Variants in LRRTM4 observed in about 807,000 individuals in gnomAD.
LRRTM4 encodes the protein leucine rich repeat transmembrane neuronal 4.
Under a neutral mutation model 47.6 loss-of-function variants are expected in LRRTM4, and 25 were observed. The observed-to-expected ratio is 0.53, with a 90% CI of 0.38 to 0.73. The LOEUF (loss-of-function observed/expected upper bound fraction) is 0.73. LRRTM4 is among the 30% of genes least tolerant of loss of function. The probability of loss-of-function intolerance (pLI) is 0.00; values close to 1 mark genes in which losing one functional copy is unlikely to be tolerated. For synonymous variants in LRRTM4, 311 were observed against 269.5 expected, an observed-to-expected ratio of 1.15 and a Z score of -1.51; for missense variants, 638 against 713.4, an observed-to-expected ratio of 0.89 and a Z score of 1.20.
At chr2:77,118,909 C>A (rs1671456962) in intron 3 of LRRTM4, among the ~76,000 whole-genome samples, 1 of 151,746 alleles carries the variant, frequency 6.6e-6, no homozygotes, top group Non-Finnish European at 1.5e-5. Flanking sequence ...TGAAAGGGAG[C>A]AATTAATAAT....
At chr2:77,133,158 T>C (rs1671847825) in intron 3 of LRRTM4, among the ~76,000 whole-genome samples, 1 of 152,168 alleles carries the variant, frequency 6.6e-6, no homozygotes, top group Non-Finnish European at 1.5e-5. Context: ...ATTATGCCTT[T>C]GTTGAGTTTT....
intron 3 of LRRTM4, among the ~76,000 whole-genome samples, chr2:76,830,517 T>TGC (rs1643752471): frequency 1.7e-5 from 2 of 115,564 alleles, no homozygotes; most frequent in South Asian, 5.2e-4. Context: ...AGTGTGTGCG[T>TGC]GTGTGTGTGT....
intron 3 of LRRTM4, among the ~76,000 whole-genome samples, chr2:77,254,579 A>G (rs2104022340): frequency 6.6e-6 from 1 of 151,980 alleles, no homozygotes; most frequent in East Asian, 1.9e-4. Flanking sequence ...TTTTGATGGT[A>G]GAAGTAAAAA....
intron 3 of LRRTM4, among the ~76,000 whole-genome samples, chr2:77,404,086 G>A (rs1674072626): frequency 6.6e-6 from 1 of 151,776 alleles, no homozygotes; most frequent in Non-Finnish European, 1.5e-5. Context: ...GTCTTGCCTG[G>A]ATAAATATGA....
At chr2:76,932,839 A>G (rs1464351312) in intron 3 of LRRTM4, among the ~76,000 whole-genome samples, 2 of 151,570 alleles carry the variant, frequency 1.3e-5, no homozygotes, top group South Asian at 4.2e-4. Flanking sequence ...TTTTTTTGGT[A>G]TTTAATTTTT....
At chr2:77,483,759 G>A (rs1198324455) in intron 3 of LRRTM4, among the ~76,000 whole-genome samples, 1 of 152,002 alleles carries the variant, frequency 6.6e-6, no homozygotes, top group Non-Finnish European at 1.5e-5. Context: ...AAAATGTTGG[G>A]GGATTGGTAT....
rs1404754213 is a variant in LRRTM4, at chr2:76,799,665, C to T, written c.1552-50749G>A. On this transcript the variant is annotated intron_variant, in intron 3 of 3. Coordinates refer to ENST00000409884, the MANE Select transcript of LRRTM4 (RefSeq NM_001134745.3). ...TAGGAAAAGAGGAAGTCAAATTGTC[C>T]CTGTTTGCGGATGACATGATTGTAT... 3.8e-5 allele frequency among the ~76,000 whole-genome samples: 5 copies of T among 131,168 alleles called. No homozygotes were observed. The South Asian group carries it at 1.1e-3, about 28-fold the overall frequency. 86.1% of individuals were successfully genotyped at this position (131,168 alleles called of 152,430 possible).
chr2:77,253,412 C>T (rs557870526), intron 3 of LRRTM4, among the ~76,000 whole-genome samples: 5 of 152,174 alleles, frequency 3.3e-5, no homozygotes, highest in South Asian at 2.1e-4. Flanking sequence ...GGGCTTCAAC[C>T]TAGCACGAAT....
intron 3 of LRRTM4, among the ~76,000 whole-genome samples, chr2:77,050,480 C>A (rs1679393873): frequency 6.6e-6 from 1 of 152,136 alleles, no homozygotes; most frequent in Admixed American, 6.6e-5. Flanking sequence ...TCTATGGAAT[C>A]TAACTTTAAA....
intron 3 of LRRTM4, among the ~76,000 whole-genome samples, chr2:77,352,202 A>G (rs1390986629): frequency 6.6e-6 from 1 of 152,134 alleles, no homozygotes; most frequent in Non-Finnish European, 1.5e-5. Context: ...ATTTTATTGA[A>G]TAAGAGTTTA....
chr2:77,012,582 A>T (rs1677914867), intron 3 of LRRTM4, among the ~76,000 whole-genome samples: 1 of 152,186 alleles, frequency 6.6e-6, no homozygotes, highest in Non-Finnish European at 1.5e-5. Flanking sequence ...TAAAGTTCTA[A>T]TGTTACTTGT....
chr2:77,432,019 A>G (rs1458306720), intron 3 of LRRTM4, among the ~76,000 whole-genome samples: 3 of 152,318 alleles, frequency 2.0e-5, no homozygotes, highest in Non-Finnish European at 2.9e-5. Flanking sequence ...GGTTGCAGTG[A>G]GCCTAGATGG....
chr2:77,032,109 G>C (rs532054151), intron 3 of LRRTM4, among the ~76,000 whole-genome samples: 1 of 152,216 alleles, frequency 6.6e-6, no homozygotes, highest in Non-Finnish European at 1.5e-5. Flanking sequence ...CTCCTAATCA[G>C]CCTCTCTACT....
Position 76,787,639 on chromosome 2 carries a change from A to G in LRRTM4, c.1552-38723T>C, listed in dbSNP as rs1674747221. The stretch of plus-strand genomic sequence containing the variant: ...TTTTCTATTTTGTGAGGATTATTAT[A>G]GGGAAAACTTTGTGGTTCAGTGGGG... On this transcript the variant is annotated intron_variant, in intron 3 of 3. Coordinates refer to ENST00000409884, the MANE Select transcript of LRRTM4 (RefSeq NM_001134745.3). 3.3e-5 allele frequency among the ~76,000 whole-genome samples: 5 copies of G among 152,026 alleles called. No homozygotes were observed. In the South Asian group the frequency reaches 1.0e-3, roughly 32 times the overall value.
At chr2:76,764,401 G>A (rs1026077051) in intron 3 of LRRTM4, among the ~76,000 whole-genome samples, 3 of 152,190 alleles carry the variant, frequency 2.0e-5, no homozygotes, top group Admixed American at 6.5e-5. Flanking sequence ...GAAGGCCAAG[G>A]CGGGCAGATC....
intron 3 of LRRTM4, among the ~76,000 whole-genome samples, chr2:76,816,678 T>C (rs1670905547): frequency 6.6e-6 from 1 of 151,900 alleles, no homozygotes; most frequent in Admixed American, 6.6e-5. Flanking sequence ...ATAACCTGGA[T>C]CAACCTTACT....
rs138980493 is a variant in LRRTM4 at position 77,405,479 on chromosome 2, A to G, written c.1551+112839T>C. ...CCTCTCAGACTTTGAAAGTTAGCAT[A>G]AAACAAGGAGAAGCTTCTTTCTTTT... On this transcript the variant is annotated intron_variant, in intron 3 of 3. Transcript: ENST00000409884. 3.3e-3 allele frequency among the ~76,000 whole-genome samples: 497 copies of G among 152,236 alleles called. 2 individuals are homozygous for G. The highest frequency in any genetic ancestry group is 0.011 in the African/African-American group (474 of 41,564).
At chr2:77,049,147 T>C (rs1266467773) in intron 3 of LRRTM4, among the ~76,000 whole-genome samples, 1 of 134,900 alleles carries the variant, frequency 7.4e-6, no homozygotes, top group African/African-American at 3.1e-5. Context: ...TATATATATA[T>C]ATATATATAT....
At chr2:77,073,640 A>T (rs953300714) in intron 3 of LRRTM4, among the ~76,000 whole-genome samples, 3 of 152,158 alleles carry the variant, frequency 2.0e-5, no homozygotes, top group Non-Finnish European at 4.4e-5. Context: ...TTTTTTCCAT[A>T]ATCTTCAAAT....
Sources: gnomAD v4.1 joint callset for allele counts (sites outside exome capture counted in the v4.1 genomes callset) on GRCh38, gnomAD v4.1.1 for gene constraint, MANE v1.5 for transcripts, NCBI Gene and HGNC (gene_info 2026-07-23, HGNC 2026-07-21) for gene names.